The following SAXO1 variants were observed in gnomAD, a reference collection of about 807,000 sequenced individuals.
SAXO1 encodes 4930500O09Rik.
SAXO1 carries 21 observed loss-of-function variants against 17.5 expected under a neutral mutation model. The ratio of observed to expected loss-of-function variants is 1.20; its 90% CI spans 0.85 to 1.72. The LOEUF (loss-of-function observed/expected upper bound fraction) is 1.72, where lower values mean the gene tolerates loss of function less well. Among genes scored for constraint, SAXO1 ranks in the 40% most tolerant of loss-of-function variants. SAXO1 has a pLI of 0.00. For missense variants in SAXO1, 843 were observed against 596.0 expected (o/e 1.41, Z -4.32); for synonymous variants, 274 against 216.5 (o/e 1.27, Z -2.33).
chr9:19,002,287 G>A (rs1834307959), intron 1 of SAXO1, among the ~76,000 whole-genome samples: 2 of 152,148 alleles, frequency 1.3e-5, no homozygotes, highest in South Asian at 2.1e-4. Context: ...AGGACCAGAT[G>A]GATTCACAGC....
intron 1 of SAXO1, among the ~76,000 whole-genome samples, chr9:18,997,604 C>T (rs766056256): frequency 2.0e-5 from 3 of 152,252 alleles, no homozygotes; most frequent in Non-Finnish European, 2.9e-5. Context: ...GTTCTGAAGA[C>T]AGCAGTGGTT....
intron 3 of SAXO1, among the ~76,000 whole-genome samples, chr9:18,931,139 C>T (rs1342180138): frequency 1.3e-5 from 2 of 152,192 alleles, no homozygotes; most frequent in African/African-American, 2.4e-5. Flanking sequence ...TTGCATCATG[C>T]CAAAAATACC....
At chr9:18,980,531 GGGGA>G (rs56933561) in intron 1 of SAXO1, among the ~76,000 whole-genome samples, 2 of 92,718 alleles carry the variant, frequency 2.2e-5, no homozygotes, top group Non-Finnish European at 4.0e-5. Context: ...GTAGTGGCGG[GGGGA>G]GGGAGGGAGG....
At chr9:19,043,292 G>A (rs1215633071) in intron 1 of SAXO1, among the ~76,000 whole-genome samples, 1 of 152,184 alleles carries the variant, frequency 6.6e-6, no homozygotes, top group Non-Finnish European at 1.5e-5. Flanking sequence ...AATAAGCCAG[G>A]CACAGAAAGA....
intron 1 of SAXO1, among the ~76,000 whole-genome samples, chr9:18,992,490 A>C (rs1833851575): frequency 1.3e-5 from 2 of 152,118 alleles, no homozygotes; most frequent in South Asian, 4.1e-4. Flanking sequence ...CTCTGTAAAG[A>C]CTCTTTACCA....
At chr9:18,958,919 G>A (rs1206472552) in intron 1 of SAXO1, among the ~76,000 whole-genome samples, 4 of 152,086 alleles carry the variant, frequency 2.6e-5, no homozygotes, top group South Asian at 2.1e-4. Flanking sequence ...TGCGAAGAAG[G>A]AAAATAAGTT....
At chr9:19,035,316 G>A (rs555919834), upstream of SAXO1, among the ~76,000 whole-genome samples, 6 of 152,198 alleles carry the variant, frequency 3.9e-5, no homozygotes, top group African/African-American at 1.2e-4. Flanking sequence ...GAGATCTGAC[G>A]GTTTTATCTT....
intron 3 of SAXO1, among the ~76,000 whole-genome samples, chr9:18,930,835 C>A (rs886973129): frequency 1.3e-5 from 2 of 152,146 alleles, no homozygotes; most frequent in African/African-American, 4.8e-5. Context: ...TGACTAACAT[C>A]CAAGACCTAG....
intron 1 of SAXO1, among the ~76,000 whole-genome samples, chr9:19,026,598 G>C (rs1170216359): frequency 6.6e-6 from 1 of 152,220 alleles, no homozygotes; most frequent in East Asian, 1.9e-4. Flanking sequence ...CCAGGGAAAA[G>C]AGAGGCTAAA....
intron 3 of SAXO1, among the ~76,000 whole-genome samples, chr9:18,940,887 C>A (rs1230339116): frequency 6.6e-6 from 1 of 152,098 alleles, no homozygotes; most frequent in Non-Finnish European, 1.5e-5. Context: ...AGAAGCAATC[C>A]TATTTATATA....
In SAXO1 at chr9:18,950,852, G is replaced by C. The variant is rs773432651; in HGVS notation, c.124C>G (p.Pro42Ala). 1 of 1,613,326 alleles carries C rather than the reference G, an allele frequency of 6.2e-7. No homozygotes were observed. Among genetic ancestry groups the C allele is most frequent in the Non-Finnish European group, 8.5e-7 (1 of 1,179,634 alleles). ...CLLSEYTENY[P>A]FYHSYLPRES... ...CTGGGCAGGTAGGAGTGATAGAAAG[G>C]GTAGTTCTCGGTATATTCGGAGAGA... Residue 42 changes from proline (P) to alanine (A), a missense_variant, in exon 2 of 4, where the codon CCT becomes GCT. Transcript: ENST00000380534.
intron 1 of SAXO1, among the ~76,000 whole-genome samples, chr9:19,044,582 C>T (rs1029070178): frequency 2.0e-5 from 3 of 152,074 alleles, no homozygotes; most frequent in Admixed American, 1.3e-4. Context: ...AAGCTGAATC[C>T]GGCGGGCGCG....
upstream of SAXO1, among the ~76,000 whole-genome samples, chr9:19,037,130 G>C (rs1310452942): frequency 6.6e-6 from 1 of 152,188 alleles, no homozygotes; most frequent in Non-Finnish European, 1.5e-5. Context: ...ATTTGGAATG[G>C]CTGTATTTAC....
At chr9:18,929,812 G>C (rs1361014554) in intron 3 of SAXO1, among the ~76,000 whole-genome samples, 1 of 152,160 alleles carries the variant, frequency 6.6e-6, no homozygotes. Flanking sequence ...GGCTAGAAGT[G>C]GAAAAGCACA....
chr9:18,932,379 T>C (rs909668654), intron 3 of SAXO1, among the ~76,000 whole-genome samples: 3 of 152,254 alleles, frequency 2.0e-5, no homozygotes, highest in Non-Finnish European at 2.9e-5. Flanking sequence ...CTTAGTTGCA[T>C]TGGTCATTAT....
chr9:19,006,696 A>G (rs1834495036), intron 1 of SAXO1, among the ~76,000 whole-genome samples: 1 of 152,204 alleles, frequency 6.6e-6, no homozygotes, highest in Non-Finnish European at 1.5e-5. Context: ...AAATAGTGGT[A>G]ACAGCTGCAC....
At chr9:18,932,791 C>A (rs1480742947) in intron 3 of SAXO1, among the ~76,000 whole-genome samples, 2 of 152,126 alleles carry the variant, frequency 1.3e-5, no homozygotes, top group Non-Finnish European at 2.9e-5. Flanking sequence ...AATTTTGAGG[C>A]TATTAAAAAG....
intron 1 of SAXO1, among the ~76,000 whole-genome samples, chr9:19,048,013 T>C (rs574584227): frequency 6.6e-6 from 1 of 152,322 alleles, no homozygotes; most frequent in Admixed American, 6.5e-5. Context: ...CCACATACTA[T>C]ATTGTATTAT....
At chr9:19,023,595 A>G (rs1420652414) in intron 1 of SAXO1, among the ~76,000 whole-genome samples, 1 of 152,206 alleles carries the variant, frequency 6.6e-6, no homozygotes, top group African/African-American at 2.4e-5. Context: ...ATACTCTGCC[A>G]CTTCTCGTAG....
Sources: gnomAD v4.1 joint callset for allele counts (sites outside exome capture counted in the v4.1 genomes callset) on GRCh38, gnomAD v4.1.1 for gene constraint, MANE v1.5 for transcripts, NCBI Gene and HGNC (gene_info 2026-07-23, HGNC 2026-07-21) for gene names.